CTDSP2: variants seen among roughly 807,000 people sequenced by gnomAD.
CTDSP2 encodes the protein CTD small phosphatase 2, also known as carboxy-terminal domain RNA polymerase II polypeptide A small phosphatase 2.
In CTDSP2, 9 loss-of-function variants were observed where a neutral mutation model predicts 31.6. That is an observed-to-expected ratio of 0.28 (90% CI 0.17 to 0.50). The LOEUF is 0.50. Ranked by LOEUF, CTDSP2 falls within the 20% of genes least tolerant of loss-of-function variation. CTDSP2 has a pLI of 0.98. For synonymous variants in CTDSP2, 134 were observed against 134.5 expected, an observed-to-expected ratio of 1.00 and a Z score of 0.03; for missense variants, 267 against 348.5, an observed-to-expected ratio of 0.77 and a Z score of 1.86.
chr12:57,841,423 T>C (rs2140484870), intron 1 of CTDSP2, among the ~76,000 whole-genome samples: 1 of 152,344 alleles, frequency 6.6e-6, no homozygotes, highest in Admixed American at 6.5e-5. Context: ...AGTGAGAGAA[T>C]GTAGCATACA....
At chr12:57,831,952 G>A (rs1000580732) in intron 1 of CTDSP2, among the ~76,000 whole-genome samples, 3 of 152,208 alleles carry the variant, frequency 2.0e-5, no homozygotes, top group East Asian at 1.9e-4. Flanking sequence ...CCCTGGAGAG[G>A]AGCAGGGAAA....
At chr12:57,824,751 G>T (rs1374306806) in intron 5 of CTDSP2, 10 of 510,818 alleles carry the variant, frequency 2.0e-5, no homozygotes, top group Non-Finnish European at 1.2e-5. Flanking sequence ...TCATGATTAG[G>T]TAATGAATTG....
intron 2 of CTDSP2, 82 bp downstream of exon 2, chr12:57,829,366 C>A: frequency 6.6e-7 from 1 of 1,518,332 alleles, no homozygotes; most frequent in East Asian, 2.3e-5. Flanking sequence ...GCAAAGCTTC[C>A]TTGTCCGGTT....
chr12:57,829,300 C>G, intron 2 of CTDSP2, 148 bp downstream of exon 2: 1 of 892,370 alleles, frequency 1.1e-6, no homozygotes, highest in Non-Finnish European at 1.8e-6. Flanking sequence ...AAATACACTA[C>G]TTATGGAAGG....
rs1205149519 is a variant in CTDSP2 at position 57,820,413 on chromosome 12, A to T, written c.*3189T>A. On this transcript the variant is annotated 3_prime_UTR_variant, in exon 8 of 8. Coordinates refer to ENST00000398073, the MANE Select transcript of CTDSP2 (RefSeq NM_005730.4). The stretch of plus-strand genomic sequence containing the variant: ...AGGACCTGAAGGGGAAAATGGACTT[A>T]CCTTTCTCATATACTTGGCCTGGCT... The T allele has an allele frequency of 6.6e-6, 1 of 152,186 alleles. No homozygotes were observed. Among genetic ancestry groups the T allele is most frequent in the Non-Finnish European group, 1.5e-5 (1 of 68,030 alleles). The allele number at this position is 152,186 out of a possible 1,614,324, so 9.4% of individuals were successfully genotyped here.
Position 57,829,487 on chromosome 12 carries a change from C to T in CTDSP2, c.174G>A (p.Glu58=), listed in dbSNP as rs1956202225. The T allele has an allele frequency of 6.2e-7, 1 of 1,614,070 alleles. No homozygotes were observed. The highest frequency in any genetic ancestry group is 1.7e-5 in the Admixed American group (1 of 60,010). The change falls in exon 2 of 8, where the codon GAG becomes GAA. Residue 58 remains glutamate (E), a synonymous_variant. Coordinates refer to ENST00000398073, the MANE Select transcript of CTDSP2 (RefSeq NM_005730.4). ...QHVGQSSSST[E]LAAYKEEANT... ...TTGCTTCCTCCTTATACGCAGCGAG[C>T]TCAGTGGAGGAACTTGACTGGCCAA...
At position 57,827,460 on chromosome 12, in the gene CTDSP2, C is replaced by G. The variant is rs933709081; in HGVS notation, c.252+92G>C. The G allele has an allele frequency of 2.6e-5, 37 of 1,396,668 alleles. 1 individual carries two copies. The African/African-American group carries it at 5.1e-4, about 19-fold the overall frequency. 86.5% of individuals were successfully genotyped at this position (1,396,668 alleles called of 1,614,324 possible). On this transcript the variant is annotated intron_variant, in intron 3 of 7. Coordinates refer to ENST00000398073, the MANE Select transcript of CTDSP2 (RefSeq NM_005730.4). Reference sequence around the variant, plus strand: ...CAGGTCAGGGAGGTGGCTGGCTAGGCACCAAGGACTATGCACATCACCCTG... The same window carrying G: ...CAGGTCAGGGAGGTGGCTGGCTAGGGACCAAGGACTATGCACATCACCCTG...
At chr12:57,826,304 C>T (rs1326470943) in intron 5 of CTDSP2, 42 bp downstream of exon 5, 3 of 1,596,604 alleles carry the variant, frequency 1.9e-6, no homozygotes, top group Non-Finnish European at 1.7e-6. Context: ...GAAGGCAGAC[C>T]CCCCACCCTC....
chr12:57,844,684 G>A (rs946056209), intron 1 of CTDSP2, among the ~76,000 whole-genome samples: 1 of 152,116 alleles, frequency 6.6e-6, no homozygotes, highest in African/African-American at 2.4e-5. Flanking sequence ...TCAGCCATCA[G>A]CACAGTTGAG....
chr12:57,830,746 ATTGAT>A (rs1437872639), intron 1 of CTDSP2, among the ~76,000 whole-genome samples: 4 of 151,972 alleles, frequency 2.6e-5, no homozygotes, highest in Non-Finnish European at 5.9e-5. Flanking sequence ...TTTTATTTTT[ATTGAT>A]TTATTTATTT....
chr12:57,830,175 G>A (rs1049629862), intron 1 of CTDSP2, among the ~76,000 whole-genome samples: 1 of 152,174 alleles, frequency 6.6e-6, no homozygotes, highest in Non-Finnish European at 1.5e-5. Context: ...CACGAGGTCA[G>A]AAGATTGAGA....
At chr12:57,843,348 C>T (rs1956294204) in intron 1 of CTDSP2, among the ~76,000 whole-genome samples, 1 of 152,126 alleles carries the variant, frequency 6.6e-6, no homozygotes, top group Non-Finnish European at 1.5e-5. Context: ...TTTGATGTTA[C>T]ACACAATCCT....
intron 2 of CTDSP2, among the ~76,000 whole-genome samples, chr12:57,828,421 C>CAAA (rs1189073935): frequency 1.6e-5 from 1 of 63,154 alleles, no homozygotes; most frequent in Non-Finnish European, 3.3e-5. Context: ...AACTCCATCT[C>CAAA]AAAAAAAAAA....
chr12:57,829,420 T>C, intron 2 of CTDSP2, 28 bp downstream of exon 2: 24 of 1,607,912 alleles, frequency 1.5e-5, no homozygotes, highest in Non-Finnish European at 2.0e-5. Flanking sequence ...CCTTCATTGC[T>C]GGCATCTTAC....
chr12:57,828,026 C>A (rs1396378096), intron 2 of CTDSP2, among the ~76,000 whole-genome samples: 5 of 152,028 alleles, frequency 3.3e-5, no homozygotes, highest in African/African-American at 1.2e-4. Flanking sequence ...GGGAACAAGC[C>A]CTATAAAACA....
intron 3 of CTDSP2, chr12:57,827,322 G>A (rs901681902): frequency 4.7e-6 from 3 of 631,640 alleles, no homozygotes; most frequent in Non-Finnish European, 8.4e-6. Flanking sequence ...GCCAGGGCAG[G>A]TGTGGGATGG....
At chr12:57,844,778 C>T (rs1956303787) in intron 1 of CTDSP2, among the ~76,000 whole-genome samples, 1 of 151,666 alleles carries the variant, frequency 6.6e-6, no homozygotes, top group South Asian at 2.1e-4. Flanking sequence ...ATGGCAACAC[C>T]GAGGTCAGGG....
chr12:57,824,360 A>T, intron 5 of CTDSP2, 41 bp from the exon 6 acceptor site: 1 of 1,481,012 alleles, frequency 6.8e-7, no homozygotes, highest in Non-Finnish European at 9.4e-7. Context: ...CATCCCTGTG[A>T]TGAAGGTTTG....
At chr12:57,839,335 A>C (rs1055755499) in intron 1 of CTDSP2, among the ~76,000 whole-genome samples, 3 of 152,194 alleles carry the variant, frequency 2.0e-5, no homozygotes, top group African/African-American at 7.2e-5. Flanking sequence ...CTCATAAGCC[A>C]ATCTGGAAAG....
Sources: allele counts gnomAD v4.1 joint callset (sites outside exome capture counted in the v4.1 genomes callset), GRCh38; gene constraint gnomAD v4.1.1; transcripts MANE v1.5; gene names NCBI Gene and HGNC (gene_info 2026-07-23, HGNC 2026-07-21).